The following PSG3 variants were observed in gnomAD, a reference collection of about 807,000 sequenced individuals.
PSG3 encodes the protein pregnancy-specific beta-1-glycoprotein 3.
In PSG3, 61 loss-of-function variants were observed where a neutral mutation model predicts 47.5. That is an observed-to-expected ratio of 1.28 (90% CI 1.05 to 1.59). PSG3 has a LOEUF of 1.59. Ranked by LOEUF, PSG3 falls within the 40% of genes most tolerant of loss-of-function variation. The pLI is 0.00. For missense variants in PSG3, 756 were observed against 524.0 expected, an observed-to-expected ratio of 1.44 and a Z score of -4.32; for synonymous variants, 263 against 198.4, an observed-to-expected ratio of 1.33 and a Z score of -2.74.
chr19:42,729,743 G>T, intron 4 of PSG3, 35 bp downstream of exon 4: 1 of 1,584,500 alleles, frequency 6.3e-7, no homozygotes, highest in Non-Finnish European at 8.6e-7. Flanking sequence ...ATTTAAGCTG[G>T]TGTCCTGGCC....
At position 42,740,474 on chromosome 19, in the gene PSG3, C is replaced by T. The variant is rs1404158364; in HGVS notation, c.-90G>A. The T allele has an allele frequency of 1.2e-6, 2 of 1,609,860 alleles. No individual in the cohort carries two copies. Among genetic ancestry groups the T allele is most frequent in the East Asian group, 2.2e-5 (1 of 44,844 alleles). On this transcript the variant is annotated 5_prime_UTR_variant, in exon 1 of 7. Coordinates refer to ENST00000327495, the MANE Select transcript of PSG3 (RefSeq NM_021016.4). ...ATGGCTCTCAGCTGTGCTGTCCTTC[C>T]TCCTTCTGCGCTGAGCCTCTTCCCG...
intron 4 of PSG3, 87 bp from the exon 5 acceptor site, chr19:42,729,464 G>A: frequency 6.5e-7 from 1 of 1,535,060 alleles, no homozygotes; most frequent in Non-Finnish European, 8.7e-7. Context: ...GTGACCCTCT[G>A]AGCCAAGACA....
intron 3 of PSG3, among the ~76,000 whole-genome samples, chr19:42,730,793 G>A (rs1026753288): frequency 2.6e-5 from 4 of 152,240 alleles, no homozygotes; most frequent in Non-Finnish European, 5.9e-5. Context: ...CCTGTCTTGG[G>A]TTCTTTAAGT....
chr19:42,730,107 C>T (rs1969448510), intron 3 of PSG3, 51 bp from the exon 4 acceptor site: 1 of 1,600,348 alleles, frequency 6.2e-7, no homozygotes, highest in South Asian at 1.1e-5. Flanking sequence ...TTTGATTCCT[C>T]CACTGGCATC....
intron 1 of PSG3, 119 bp downstream of exon 1, chr19:42,740,202 T>C: frequency 1.3e-6 from 2 of 1,591,618 alleles, no homozygotes; most frequent in Non-Finnish European, 8.6e-7. Flanking sequence ...TCCACCCTCC[T>C]CAGCCTCCCT....
chr19:42,737,798 G>GCTTCCTGTGC (rs1367383339), intron 2 of PSG3, among the ~76,000 whole-genome samples: 1 of 152,138 alleles, frequency 6.6e-6, no homozygotes, highest in African/African-American at 2.4e-5. Flanking sequence ...AGTGACTGTG[G>GCTTCCTGTGC]CTTCCTGTGC....
At chr19:42,730,337 T>C (rs1232087202) in intron 3 of PSG3, among the ~76,000 whole-genome samples, 1 of 152,168 alleles carries the variant, frequency 6.6e-6, no homozygotes, top group Non-Finnish European at 1.5e-5. Flanking sequence ...CAGCCCCTGG[T>C]ACCCCTCCCA....
At chr19:42,731,886 T>G (rs566139265) in intron 3 of PSG3, 1 of 151,410 alleles carries the variant, frequency 6.6e-6, no homozygotes, top group Non-Finnish European at 1.5e-5. Flanking sequence ...TTGATGTTAA[T>G]GTGAACTGAA....
chr19:42,739,122 A>C (rs1169136708), intron 1 of PSG3, 33 bp from the exon 2 acceptor site: 1 of 1,574,040 alleles, frequency 6.4e-7, no homozygotes, highest in African/African-American at 1.4e-5. Context: ...GTCAATATTG[A>C]GACCTATGCA....
intron 2 of PSG3, among the ~76,000 whole-genome samples, chr19:42,735,533 A>AT (rs1969549392): frequency 2.0e-5 from 3 of 151,896 alleles, no homozygotes; most frequent in Non-Finnish European, 4.4e-5. Context: ...CGTCCAGCTA[A>AT]TTTTTTGTAT....
chr19:42,738,686 C>T (rs750420290), intron 2 of PSG3, 38 bp downstream of exon 2: 2 of 1,612,296 alleles, frequency 1.2e-6, no homozygotes, highest in East Asian at 2.2e-5. Context: ...GTAAAGACCC[C>T]ATCCCCCAAC....
chr19:42,729,499 C>A, intron 4 of PSG3, 122 bp from the exon 5 acceptor site: 2 of 1,497,138 alleles, frequency 1.3e-6, no homozygotes, highest in South Asian at 1.4e-5. Flanking sequence ...AGCCAAACCC[C>A]CTCTATGTTC....
intron 2 of PSG3, among the ~76,000 whole-genome samples, chr19:42,738,360 C>T (rs1173460468): frequency 1.3e-5 from 2 of 152,180 alleles, no homozygotes; most frequent in Non-Finnish European, 2.9e-5. Flanking sequence ...TAGGGCTGAG[C>T]TTCTCTGAGA....
intron 1 of PSG3, 107 bp downstream of exon 1, chr19:42,740,214 A>C (rs1027617258): frequency 1.2e-6 from 2 of 1,602,748 alleles, no homozygotes; most frequent in Admixed American, 1.7e-5. Context: ...AGCCTCCCTA[A>C]GTGCTGGCTT....
intron 2 of PSG3, among the ~76,000 whole-genome samples, chr19:42,738,044 G>A (rs1296521197): frequency 1.3e-5 from 2 of 152,152 alleles, no homozygotes; most frequent in Admixed American, 6.5e-5. Context: ...CTGCTTCTGG[G>A]GACATTAGAC....
rs760586698 is a variant in PSG3, at chr19:42,722,046, C to G, written c.*85G>C. On this transcript the variant is annotated 3_prime_UTR_variant, in exon 7 of 7. Coordinates refer to ENST00000327495, the MANE Select transcript of PSG3 (RefSeq NM_021016.4). Reference sequence around the variant, plus strand: ...TCCTTGAACAAAAAGCAATTTTGGACTGTAGCTGATGGTAAATACTTTGAG... The same window carrying G: ...TCCTTGAACAAAAAGCAATTTTGGAGTGTAGCTGATGGTAAATACTTTGAG... 4.8e-6 allele frequency: 2 copies of G among 415,660 alleles called. No individual in the cohort carries two copies. Among genetic ancestry groups the G allele is most frequent in the Admixed American group, 4.4e-5 (1 of 22,728 alleles). The allele number at this position is 415,660 out of a possible 1,614,324, so 25.7% of individuals were successfully genotyped here. A position where few individuals can be genotyped will look rare whatever the true frequency, so the allele number is the denominator to read the frequency against.
At position 42,733,382 on chromosome 19, in the gene PSG3, C is replaced by T. The variant is rs11879217; in HGVS notation, c.431-320G>A. 449 of 384,574 alleles carry T rather than the reference C, an allele frequency of 1.2e-3. 4 individuals carry two copies. Among genetic ancestry groups the T allele is most frequent in the African/African-American group, 9.4e-3 (403 of 42,760 alleles). The allele number at this position is 384,574 out of a possible 1,614,324, so 23.8% of individuals were successfully genotyped here. ...CCTCCATCTCGAAGTGCCTGCCTGG[C>T]CCACCTTGTGGTCCTCACTTGGAGC... On this transcript the variant is annotated intron_variant, in intron 2 of 6. Transcript: ENST00000327495.
At chr19:42,724,064 T>G (rs1969337406) in intron 5 of PSG3, 39 bp from the exon 6 acceptor site, 3 of 1,580,908 alleles carry the variant, frequency 1.9e-6, no homozygotes, top group African/African-American at 2.7e-5. Flanking sequence ...ATGAAGATGA[T>G]GTTATTTTAC....
rs140517799 is a variant in PSG3, at chr19:42,729,823, G to C, written c.943C>G (p.Arg315Gly). ...GGGTAACTGCGGATGCCACCATATC[G>C]GTCCTGTATTTCACATTGATAGGGT... ...TGPYQCEIQD[R>G]YGGIRSYPVT... The change falls in exon 4 of 7, where the codon CGA (arginine) becomes GGA (glycine). Residue 315 changes from arginine (R) to glycine (G), a missense_variant. Coordinates refer to ENST00000327495, the MANE Select transcript of PSG3 (RefSeq NM_021016.4). The C allele has an allele frequency of 6.2e-7, 1 of 1,613,644 alleles. No individual in the cohort carries two copies. The highest frequency in any genetic ancestry group is 8.5e-7 in the Non-Finnish European group (1 of 1,179,862).
Sources: allele counts gnomAD v4.1 joint callset (sites outside exome capture counted in the v4.1 genomes callset), GRCh38; gene constraint gnomAD v4.1.1; transcripts MANE v1.5; gene names NCBI Gene and HGNC (gene_info 2026-07-23, HGNC 2026-07-21).